Variants in WDR5 observed in about 807,000 individuals in gnomAD.
WDR5 encodes the protein WD repeat-containing protein 5.
For synonymous variants in WDR5, 144 were observed against 161.6 expected (o/e 0.89, Z 0.83); for missense variants, 187 against 416.9 (o/e 0.45, Z 4.80).
In WDR5 at chr9:134,154,226, T is replaced by G. The variant is rs1255599428; in HGVS notation, c.632-240T>G. On this transcript the variant is annotated intron_variant, in intron 9 of 13. Transcript: ENST00000358625. ...TGGTGCCCCAGGAGGCCTGTATTCG[T>G]AAAGTCCTGGTGTCAAGGGGCCCCC... Among the ~76,000 whole-genome samples the G allele has an allele frequency of 1.7e-3, 256 of 152,288 alleles. 1 individual carries two copies. The highest frequency in any genetic ancestry group is 5.7e-3 in the African/African-American group (235 of 41,560).
intron 8 of WDR5, among the ~76,000 whole-genome samples, chr9:134,149,363 A>C (rs998736780): frequency 4.6e-5 from 7 of 152,218 alleles, no homozygotes; most frequent in African/African-American, 1.7e-4. Context: ...GGTCACTGGG[A>C]TGTGCTGTGG....
At chr9:134,144,740 G>A (rs75223620) in intron 7 of WDR5, among the ~76,000 whole-genome samples, 18 of 152,166 alleles carry the variant, frequency 1.2e-4, no homozygotes, top group African/African-American at 4.1e-4. Flanking sequence ...CTTGGAGGAC[G>A]GTGGGAGGAT....
At chr9:134,138,292 G>A (rs538030259) in intron 1 of WDR5, among the ~76,000 whole-genome samples, 2 of 151,882 alleles carry the variant, frequency 1.3e-5, no homozygotes, top group Non-Finnish European at 2.9e-5. Context: ...TTCCTCTGGT[G>A]TTTCGCTTGG....
At chr9:134,152,839 G>A (rs1832563476) in intron 9 of WDR5, among the ~76,000 whole-genome samples, 1 of 152,194 alleles carries the variant, frequency 6.6e-6, no homozygotes, top group Non-Finnish European at 1.5e-5. Flanking sequence ...GGAGGCTGTG[G>A]TCAGGATTGA....
chr9:134,146,167 C>T (rs532243820), intron 7 of WDR5, among the ~76,000 whole-genome samples: 2 of 151,212 alleles, frequency 1.3e-5, no homozygotes, highest in African/African-American at 4.9e-5. Flanking sequence ...TGGGGTTTCA[C>T]CGTGTTAGCC....
chr9:134,152,244 T>A (rs1379114004), intron 9 of WDR5, among the ~76,000 whole-genome samples: 1 of 152,228 alleles, frequency 6.6e-6, no homozygotes, highest in Non-Finnish European at 1.5e-5. Flanking sequence ...CCATGGCCTT[T>A]CTCTTGGGCC....
chr9:134,149,449 T>A (rs1335571171), intron 8 of WDR5, among the ~76,000 whole-genome samples: 1 of 152,164 alleles, frequency 6.6e-6, no homozygotes, highest in Non-Finnish European at 1.5e-5. Context: ...ACTTGACCAT[T>A]TACCAGCTTA....
intron 8 of WDR5, among the ~76,000 whole-genome samples, chr9:134,150,259 A>G (rs541633884): frequency 2.1e-4 from 32 of 152,348 alleles, no homozygotes; most frequent in African/African-American, 7.0e-4. Context: ...TTCATTCATT[A>G]TTGGATAATG....
intron 7 of WDR5, among the ~76,000 whole-genome samples, chr9:134,145,096 G>GTTTTTTTTTTTTTTTTTTT (rs56864188): frequency 7.6e-5 from 8 of 104,720 alleles, no homozygotes; most frequent in African/African-American, 2.4e-4. Flanking sequence ...GTGGGGCTTT[G>GTTTTTTTTTTTTTTTTTTT]TTTTTTTTTT....
intron 1 of WDR5, among the ~76,000 whole-genome samples, chr9:134,136,794 C>T (rs1588165221): frequency 6.6e-6 from 1 of 152,268 alleles, no homozygotes; most frequent in East Asian, 1.9e-4. Flanking sequence ...GTTACGTTCC[C>T]GGACCAAACA....
At chr9:134,143,148 C>T (rs2132537555) in intron 7 of WDR5, among the ~76,000 whole-genome samples, 1 of 152,174 alleles carries the variant, frequency 6.6e-6, no homozygotes, top group South Asian at 2.1e-4. Context: ...GTGGGGATGG[C>T]CCAGTCCTGG....
rs1158266840 is a variant in WDR5, at chr9:134,141,449, C to T, written c.191-61C>T. 5 of 1,562,202 alleles carry T rather than the reference C, an allele frequency of 3.2e-6. No individual in the cohort carries two copies. The Admixed American group carries it at 5.0e-5, about 16-fold the overall frequency. On this transcript the variant is annotated intron_variant, in intron 3 of 13. Coordinates refer to ENST00000358625, the MANE Select transcript of WDR5 (RefSeq NM_017588.3). The stretch of plus-strand genomic sequence containing the variant: ...ATGTGGGAAAAGCTCAGACTTTGGA[C>T]TCTGGATGACTAGACAATTGTGTCC...
chr9:134,140,062 A>G (rs897539819), intron 2 of WDR5, 104 bp downstream of exon 2: 1 of 1,302,616 alleles, frequency 7.7e-7, no homozygotes, highest in African/African-American at 1.5e-5. Flanking sequence ...ACTCAGTTAA[A>G]TGTCACTGCT....
chr9:134,155,728 A>G lies in WDR5; in HGVS notation c.777A>G (p.Lys259=), dbSNP rs557597076. ...LKTYTGHKNE[K]YCIFANFSVT... ...CGTACACTGGCCACAAGAATGAGAA[A>G]TACTGCATATTTGCCAATTTCTCTG... Residue 259 remains lysine, a synonymous_variant, in exon 12 of 14, where the codon AAA becomes AAG. Coordinates refer to ENST00000358625, the MANE Select transcript of WDR5 (RefSeq NM_017588.3). 2 of 1,614,140 alleles carry G rather than the reference A, an allele frequency of 1.2e-6. No homozygotes were observed. The highest frequency in any genetic ancestry group is 1.7e-5 in the Admixed American group (1 of 60,018).
chr9:134,146,868 G>A (rs1175594198), intron 7 of WDR5, among the ~76,000 whole-genome samples: 3 of 152,246 alleles, frequency 2.0e-5, no homozygotes, highest in Non-Finnish European at 4.4e-5. Context: ...CTGCCGGCCA[G>A]ATGGTTGCAG....
chr9:134,140,072 T>C, intron 2 of WDR5, 114 bp downstream of exon 2: 1 of 1,219,876 alleles, frequency 8.2e-7, no homozygotes, highest in Non-Finnish European at 1.2e-6. Flanking sequence ...ATGTCACTGC[T>C]AATTTTTATT....
chr9:134,154,042 G>A (rs192846169), intron 9 of WDR5, among the ~76,000 whole-genome samples: 41 of 152,338 alleles, frequency 2.7e-4, no homozygotes, highest in African/African-American at 9.9e-4. Flanking sequence ...TTCTGTGGGT[G>A]CAGATGCCCC....
At chr9:134,151,005 A>C (rs1444103165) in intron 8 of WDR5, among the ~76,000 whole-genome samples, 2 of 152,214 alleles carry the variant, frequency 1.3e-5, no homozygotes, top group Non-Finnish European at 2.9e-5. Flanking sequence ...AACTGAAAGG[A>C]CACACGGGGG....
At chr9:134,142,129 C>A (rs1831923212) in intron 5 of WDR5, 91 bp downstream of exon 5, 2 of 1,206,554 alleles carry the variant, frequency 1.7e-6, no homozygotes, top group African/African-American at 3.0e-5. Context: ...CAGTAAGCAA[C>A]ACTCAGCGCT....
Sources: allele counts gnomAD v4.1 joint callset (sites outside exome capture counted in the v4.1 genomes callset), GRCh38; gene constraint gnomAD v4.1.1; transcripts MANE v1.5; gene names NCBI Gene and HGNC (gene_info 2026-07-23, HGNC 2026-07-21).